Variants in ZNF184 observed in about 807,000 individuals in gnomAD.
ZNF184 encodes the protein zinc finger protein 184.
A neutral mutation model predicts 54.4 loss-of-function variants in ZNF184; 16 were observed. The ratio of observed to expected loss-of-function variants is 0.29; its 90% CI spans 0.20 to 0.45. The LOEUF is 0.45. Ranked by LOEUF, ZNF184 falls within the 20% of genes least tolerant of loss-of-function variation. ZNF184 has a pLI of 1.00. For synonymous variants in ZNF184, 254 were observed against 295.3 expected (o/e 0.86, Z 1.43); for missense variants, 681 against 888.2 (o/e 0.77, Z 2.97).
chr6:27,406,130 T>C, the ZNF184 span: 2 of 152,248 alleles, frequency 1.3e-5, no homozygotes, highest in Non-Finnish European at 1.5e-5. Flanking sequence ...TGAAAGTCCA[T>C]TGTCGCCCTC....
At chr6:27,471,925 T>G (rs1038113095) in intron 2 of ZNF184, among the ~76,000 whole-genome samples, 2 of 152,196 alleles carry the variant, frequency 1.3e-5, no homozygotes, top group Non-Finnish European at 2.9e-5. Context: ...CAGACAGCCG[T>G]CTGCCAAGGA....
At chr6:27,469,049 T>TA (rs1763209628) in intron 2 of ZNF184, among the ~76,000 whole-genome samples, 2 of 152,242 alleles carry the variant, frequency 1.3e-5, no homozygotes, top group Non-Finnish European at 2.9e-5. Context: ...GGAATCCACT[T>TA]AGAGTACTGG....
rs756492355 is a variant in ZNF184, at chr6:27,451,312, A to C, written c.2247T>G (p.Pro749=). 1 of 1,589,852 alleles carries C rather than the reference A, an allele frequency of 6.3e-7. No homozygotes were observed. The highest frequency in any genetic ancestry group is 2.2e-5 in the East Asian group (1 of 44,598). ...GATGTTCCTAGAATTGTCATATGCC[A>C]GGATGCAGTCTCTGATGTTTGTTGA... ...SALNKHQRLH[P]GI is the part of the protein sequence containing the mutation. Residue 749 remains proline, a synonymous_variant, in exon 6 of 6, where the codon CCT becomes CCG. Coordinates refer to ENST00000683788, the MANE Select transcript of ZNF184 (RefSeq NM_001318891.2).
At chr6:27,464,173 T>C (rs1454067503) in intron 3 of ZNF184, among the ~76,000 whole-genome samples, 2 of 152,168 alleles carry the variant, frequency 1.3e-5, no homozygotes, top group Non-Finnish European at 2.9e-5. Flanking sequence ...ACTACTGATT[T>C]ATAAAAATGA....
At chr6:27,423,637 AAAAAAAC>A in the ZNF184 span, among the ~76,000 whole-genome samples, 10 of 96,466 alleles carry the variant, frequency 1.0e-4, no homozygotes, top group African/African-American at 3.0e-4. Context: ...ATGAAAAGCC[AAAAAAAC>A]AAAAAACAAA....
chr6:27,443,451 A>G, the ZNF184 span, among the ~76,000 whole-genome samples: 1 of 152,178 alleles, frequency 6.6e-6, no homozygotes, highest in Non-Finnish European at 1.5e-5. Context: ...GACTGCTCAG[A>G]CCATTATACT....
chr6:27,429,222 G>A, the ZNF184 span, among the ~76,000 whole-genome samples: 41 of 152,282 alleles, frequency 2.7e-4, no homozygotes, highest in African/African-American at 9.4e-4. Flanking sequence ...AAGTAATAGG[G>A]TTAGGATCTC....
intron 2 of ZNF184, among the ~76,000 whole-genome samples, chr6:27,469,205 C>T (rs1387636749): frequency 1.3e-5 from 2 of 152,186 alleles, no homozygotes; most frequent in African/African-American, 4.8e-5. Context: ...TTTCAAAATC[C>T]TCTTGAAGAG....
chr6:27,467,978 C>A, intron 2 of ZNF184, 58 bp from the exon 3 acceptor site: 2 of 1,297,052 alleles, frequency 1.5e-6, no homozygotes, highest in Non-Finnish European at 2.1e-6. Context: ...TCCCAGCAAT[C>A]CATAAATTCC....
chr6:27,458,030 C>T (rs1211578691), intron 3 of ZNF184, among the ~76,000 whole-genome samples: 2 of 151,116 alleles, frequency 1.3e-5, no homozygotes, highest in African/African-American at 4.9e-5. Context: ...CATGCCATAA[C>T]AAACGACTGT....
chr6:27,458,295 TAAA>T (rs55966783), intron 3 of ZNF184, among the ~76,000 whole-genome samples: 1,024 of 62,422 alleles, frequency 0.016, 11 homozygotes, highest in African/African-American at 0.064. Context: ...TTCTGCACAG[TAAA>T]AAAAAAAAAA....
chr6:27,414,814 A>G, the ZNF184 span, among the ~76,000 whole-genome samples: 1 of 152,028 alleles, frequency 6.6e-6, no homozygotes, highest in Non-Finnish European at 1.5e-5. Context: ...GCAGGAAGGG[A>G]GGTTAGCAAA....
intron 5 of ZNF184, among the ~76,000 whole-genome samples, chr6:27,454,128 CAA>C (rs976837973): frequency 1.3e-5 from 2 of 152,014 alleles, no homozygotes; most frequent in African/African-American, 4.8e-5. Flanking sequence ...TTGCCCAAAA[CAA>C]AAGAGATGAC....
the ZNF184 span, among the ~76,000 whole-genome samples, chr6:27,412,730 T>G: frequency 0.036 from 5,435 of 152,172 alleles, 205 homozygotes; most frequent in African/African-American, 0.095. Context: ...ACATGAAAGA[T>G]GTACATTGGT....
chr6:27,448,090 T>G (rs547513764), downstream of ZNF184, among the ~76,000 whole-genome samples: 2 of 152,218 alleles, frequency 1.3e-5, no homozygotes, highest in Non-Finnish European at 2.9e-5. Context: ...TGTTCTTTTG[T>G]TTTTTATTAA....
chr6:27,443,025 A>T, the ZNF184 span, among the ~76,000 whole-genome samples: 1 of 152,100 alleles, frequency 6.6e-6, no homozygotes, highest in African/African-American at 2.4e-5. Flanking sequence ...ACTATTTTTG[A>T]TTCAAAATGT....
At chr6:27,417,228 A>ATT in the ZNF184 span, among the ~76,000 whole-genome samples, 2 of 152,196 alleles carry the variant, frequency 1.3e-5, no homozygotes, top group South Asian at 4.1e-4. Flanking sequence ...ATTACTGCAC[A>ATT]TTGCAAAGCA....
At chr6:27,459,910 C>G (rs1762955765) in intron 3 of ZNF184, among the ~76,000 whole-genome samples, 1 of 152,204 alleles carries the variant, frequency 6.6e-6, no homozygotes, top group Non-Finnish European at 1.5e-5. Context: ...CACCTGCAAT[C>G]TCAACACTGT....
At chr6:27,463,185 T>G in intron 3 of ZNF184, among the ~76,000 whole-genome samples, 1 of 146,288 alleles carries the variant, frequency 6.8e-6, no homozygotes, top group African/African-American at 2.5e-5. Context: ...AAATGACGAG[T>G]TAATGGGTGC....
Sources: allele counts gnomAD v4.1 joint callset (sites outside exome capture counted in the v4.1 genomes callset), GRCh38; gene constraint gnomAD v4.1.1; transcripts MANE v1.5; gene names NCBI Gene and HGNC (gene_info 2026-07-23, HGNC 2026-07-21).